PRKN: variants seen among roughly 807,000 people sequenced by gnomAD.
The protein encoded by PRKN is parkin RBR E3 ubiquitin protein ligase, also known as E3 ubiquitin-protein ligase parkin.
PRKN carries 56 observed loss-of-function variants against 59.5 expected under a neutral mutation model. That is an observed-to-expected ratio of 0.94 (90% CI 0.76 to 1.18). The LOEUF (loss-of-function observed/expected upper bound fraction) is 1.18. Ranked by LOEUF, PRKN falls within the 50% of genes most tolerant of loss-of-function variation. PRKN has a pLI of 0.00. For missense variants in PRKN, 657 were observed against 596.4 expected (o/e 1.10, Z -1.06); for synonymous variants, 250 against 222.1 (o/e 1.13, Z -1.12).
intron 1 of PRKN, among the ~76,000 whole-genome samples, chr6:162,499,190 G>A (rs1176337343): frequency 6.6e-6 from 1 of 151,848 alleles, no homozygotes; most frequent in East Asian, 1.9e-4. Context: ...TTACTGTCTT[G>A]TTTCACACCC....
At chr6:161,374,931 C>G (rs1054571564) in intron 10 of PRKN, among the ~76,000 whole-genome samples, 24 of 152,260 alleles carry the variant, frequency 1.6e-4, no homozygotes, top group African/African-American at 5.8e-4. Context: ...TGAAACCCCT[C>G]TGGAATCCAA....
At chr6:161,351,135 T>G (rs1784535208) in intron 11 of PRKN, among the ~76,000 whole-genome samples, 1 of 129,916 alleles carries the variant, frequency 7.7e-6, no homozygotes. Context: ...TTTTTATATA[T>G]TTATATTTAA....
intron 2 of PRKN, among the ~76,000 whole-genome samples, chr6:162,409,480 C>A (rs376696685): frequency 6.6e-6 from 1 of 152,170 alleles, no homozygotes; most frequent in East Asian, 1.9e-4. Flanking sequence ...CTGTAGCACA[C>A]CCCACCCTCA....
At chr6:161,882,289 G>T (rs999892498) in intron 6 of PRKN, among the ~76,000 whole-genome samples, 3 of 152,024 alleles carry the variant, frequency 2.0e-5, no homozygotes, top group African/African-American at 7.3e-5. Flanking sequence ...AAAGGGCATC[G>T]TTTCTGATGT....
At chr6:162,716,772 GCA>G (rs1242131965) in intron 1 of PRKN, among the ~76,000 whole-genome samples, 135 of 134,692 alleles carry the variant, frequency 1.0e-3, no homozygotes, top group African/African-American at 3.6e-3. Context: ...GCGCGCGCAC[GCA>G]CACACACACG....
intron 7 of PRKN, among the ~76,000 whole-genome samples, chr6:161,586,821 T>C (rs1781538429): frequency 6.6e-6 from 1 of 152,224 alleles, no homozygotes; most frequent in South Asian, 2.1e-4. Context: ...TTACAACAGT[T>C]GGCCATTCTG....
intron 2 of PRKN, among the ~76,000 whole-genome samples, chr6:162,410,352 A>G (rs554979103): frequency 1.6e-4 from 25 of 152,300 alleles, no homozygotes; most frequent in Admixed American, 3.9e-4. Flanking sequence ...AGCTGAATCC[A>G]GAAACAGACC....
At chr6:162,091,122 TTTTC>T in intron 4 of PRKN, among the ~76,000 whole-genome samples, 1 of 152,158 alleles carries the variant, frequency 6.6e-6, no homozygotes, top group Non-Finnish European at 1.5e-5. Flanking sequence ...CTTTTTTTTT[TTTTC>T]TGTTAAGGCA....
chr6:161,811,314 T>A (rs1287090800), intron 6 of PRKN, among the ~76,000 whole-genome samples: 3 of 152,172 alleles, frequency 2.0e-5, no homozygotes, highest in Non-Finnish European at 4.4e-5. Context: ...AAAAAATTGT[T>A]TAATTTTCTA....
In PRKN at chr6:162,035,229, A is replaced by C. The variant is rs1411093157; in HGVS notation, c.618+18862T>G. Among the ~76,000 whole-genome samples the C allele has an allele frequency of 2.0e-5, 3 of 152,296 alleles. No homozygotes were observed. The East Asian group carries it at 5.8e-4, about 29-fold the overall frequency. ...AATCAGTTCTTGCAAGAACTCATCA[A>C]GTGAGAATTCACTCATTACCTTGAG... On this transcript the variant is annotated intron_variant, in intron 5 of 11. Transcript: ENST00000366898.
intron 7 of PRKN, among the ~76,000 whole-genome samples, chr6:161,670,721 CAGG>C: frequency 6.6e-6 from 1 of 152,090 alleles, no homozygotes; most frequent in Non-Finnish European, 1.5e-5. Context: ...GAGGCTGAGG[CAGG>C]AGAATGGCAT....
chr6:162,419,149 G>T (rs1788823676), intron 2 of PRKN, among the ~76,000 whole-genome samples: 3 of 152,038 alleles, frequency 2.0e-5, no homozygotes, highest in Admixed American at 2.0e-4. Flanking sequence ...TCTTGGCTTG[G>T]ATGTTCTAAT....
At chr6:162,301,286 A>G (rs1440890945) in intron 2 of PRKN, among the ~76,000 whole-genome samples, 1 of 152,112 alleles carries the variant, frequency 6.6e-6, no homozygotes, top group African/African-American at 2.4e-5. Context: ...TTTAACCCCC[A>G]AGGCTACTGA....
At chr6:161,762,051 A>G (rs547982981) in intron 7 of PRKN, among the ~76,000 whole-genome samples, 1 of 152,294 alleles carries the variant, frequency 6.6e-6, no homozygotes, top group South Asian at 2.1e-4. Flanking sequence ...CATAGACGGG[A>G]CAGAATTCCT....
rs1043525374 is a variant in PRKN at position 161,410,973 on chromosome 6, G to A, written c.1084-24096C>T. Among the ~76,000 whole-genome samples, 1 of 152,116 alleles carries A rather than the reference G, an allele frequency of 6.6e-6. No individual in the cohort carries two copies. The highest frequency in any genetic ancestry group is 2.4e-5 in the African/African-American group (1 of 41,402). ...CATCCTGAAACCGGTTTCCTCAGGT[G>A]GAAGGAAGGCAGTTGACTCATCCTG... On this transcript the variant is annotated intron_variant, in intron 9 of 11. Coordinates refer to ENST00000366898, the MANE Select transcript of PRKN (RefSeq NM_004562.3). This position sits in a 1 kb window ranked among gnomAD's most constrained non-coding sequence, Gnocchi z 5.3.
intron 4 of PRKN, among the ~76,000 whole-genome samples, chr6:162,129,234 A>G (rs574055352): frequency 5.9e-5 from 9 of 152,340 alleles, no homozygotes; most frequent in Admixed American, 2.0e-4. Flanking sequence ...TTCTTAAATG[A>G]GCTTTAATTT....
intron 3 of PRKN, among the ~76,000 whole-genome samples, chr6:162,223,178 G>C (rs1357966083): frequency 6.6e-6 from 1 of 151,964 alleles, no homozygotes; most frequent in Non-Finnish European, 1.5e-5. Context: ...TCCCTACAAA[G>C]GACATGAACT....
At position 162,384,210 on chromosome 6, in the gene PRKN, TCA is replaced by T. The variant is rs1026528462; in HGVS notation, c.171+59098_171+59099del. Among the ~76,000 whole-genome samples the T allele has an allele frequency of 1.4e-3, 206 of 152,336 alleles. 1 individual carries two copies. The highest frequency in any genetic ancestry group is 4.8e-3 in the African/African-American group (199 of 41,592). ...CAAGAGGCCTAGTTTTCAACCTGTCTCAGTTTTGGACATGGCTTCCTCATTGA... is the reference window on the plus strand; with the variant it reads ...CAAGAGGCCTAGTTTTCAACCTGTCTGTTTTGGACATGGCTTCCTCATTGA... On this transcript the variant is annotated intron_variant, in intron 2 of 11. Coordinates refer to ENST00000366898, the MANE Select transcript of PRKN (RefSeq NM_004562.3).
intron 9 of PRKN, among the ~76,000 whole-genome samples, chr6:161,486,858 C>T (rs1015723758): frequency 3.9e-5 from 6 of 152,310 alleles, no homozygotes; most frequent in African/African-American, 7.2e-5. Flanking sequence ...TTAGCTCTAT[C>T]ATACACTCTT....
Sources: allele counts gnomAD v4.1 joint callset (sites outside exome capture counted in the v4.1 genomes callset), GRCh38; gene constraint gnomAD v4.1.1; non-coding constraint Gnocchi (gnomAD v3.1); transcripts MANE v1.5; gene names NCBI Gene and HGNC (gene_info 2026-07-23, HGNC 2026-07-21).